The following STARD13 variants were observed in gnomAD, a reference collection of about 807,000 sequenced individuals.
The protein encoded by STARD13 is stAR-related lipid transfer protein 13.
In STARD13, 62 loss-of-function variants were observed where a neutral mutation model predicts 106.4. The ratio of observed to expected loss-of-function variants is 0.58; its 90% CI spans 0.48 to 0.72. STARD13 has a LOEUF of 0.72. Ranked by LOEUF, STARD13 falls within the 30% of genes least tolerant of loss-of-function variation. The probability of loss-of-function intolerance (pLI) is 0.00; values close to 1 mark genes in which losing one functional copy is unlikely to be tolerated. For synonymous variants in STARD13, 565 were observed against 553.0 expected (o/e 1.02, Z -0.31); for missense variants, 1,387 against 1,424.0 (o/e 0.97, Z 0.42).
At chr13:33,653,944 A>G in the STARD13 span, among the ~76,000 whole-genome samples, 118 of 152,316 alleles carry the variant, frequency 7.7e-4, no homozygotes, top group Middle Eastern at 3.4e-3. Flanking sequence ...AACAGCATTA[A>G]TCATTAAGGA....
intron 2 of STARD13, among the ~76,000 whole-genome samples, chr13:33,166,631 A>C (rs1367603022): frequency 1.3e-5 from 2 of 152,200 alleles, no homozygotes; most frequent in Non-Finnish European, 2.9e-5. Flanking sequence ...ACAATCCGAG[A>C]AGAAGTTAAA....
chr13:33,526,222 G>A, the STARD13 span, among the ~76,000 whole-genome samples: 2 of 151,940 alleles, frequency 1.3e-5, no homozygotes, highest in African/African-American at 4.8e-5. Flanking sequence ...GTGCTTGGCT[G>A]TGACATGCAA....
the STARD13 span, among the ~76,000 whole-genome samples, chr13:33,646,028 A>T: frequency 6.6e-6 from 1 of 152,214 alleles, no homozygotes; most frequent in Non-Finnish European, 1.5e-5. Context: ...TCACAGAGAT[A>T]GTAATGTTTT....
At chr13:33,315,396 G>A (rs1262432193) in intron 1 of STARD13, among the ~76,000 whole-genome samples, 2 of 152,104 alleles carry the variant, frequency 1.3e-5, no homozygotes, top group Non-Finnish European at 2.9e-5. Context: ...AAATTAAAGA[G>A]CACAGCTGTG....
chr13:33,510,774 A>G, the STARD13 span, among the ~76,000 whole-genome samples: 1 of 152,196 alleles, frequency 6.6e-6, no homozygotes, highest in Non-Finnish European at 1.5e-5. Flanking sequence ...TTTAGTAAGC[A>G]GAGAAAATTA....
chr13:33,416,055 G>A, the STARD13 span, among the ~76,000 whole-genome samples: 2 of 152,200 alleles, frequency 1.3e-5, no homozygotes, highest in Admixed American at 1.3e-4. Flanking sequence ...TTTATTGAAT[G>A]CTTGATTTCT....
chr13:33,249,027 TA>T (rs1458974343), intron 1 of STARD13, among the ~76,000 whole-genome samples: 2 of 152,230 alleles, frequency 1.3e-5, no homozygotes, highest in Non-Finnish European at 2.9e-5. Flanking sequence ...TAAAGGAAGA[TA>T]AATGAGTACT....
intron 7 of STARD13, among the ~76,000 whole-genome samples, chr13:33,124,186 T>G (rs562020263): frequency 6.6e-6 from 1 of 152,332 alleles, no homozygotes. Context: ...TTTTCCTTCC[T>G]ATTACCACCT....
chr13:33,278,914 A>G (rs1891603053), intron 1 of STARD13, among the ~76,000 whole-genome samples: 1 of 152,160 alleles, frequency 6.6e-6, no homozygotes, highest in Admixed American at 6.6e-5. Context: ...ATGACCTCAA[A>G]TCCTCTAGGT....
intron 1 of STARD13, among the ~76,000 whole-genome samples, chr13:33,170,601 A>G (rs1440203226): frequency 6.6e-6 from 1 of 152,202 alleles, no homozygotes; most frequent in African/African-American, 2.4e-5. Context: ...TCAGGCTTAA[A>G]TGACAACAAA....
the STARD13 span, among the ~76,000 whole-genome samples, chr13:33,379,026 C>G: frequency 6.6e-6 from 1 of 151,996 alleles, no homozygotes; most frequent in Non-Finnish European, 1.5e-5. Flanking sequence ...GAGAGGATCT[C>G]TTGAGCCTGG....
intron 3 of STARD13, among the ~76,000 whole-genome samples, chr13:33,158,234 A>G (rs1593995885): frequency 6.6e-6 from 1 of 152,222 alleles, no homozygotes; most frequent in Non-Finnish European, 1.5e-5. Context: ...ACACATTTAC[A>G]TATTCAGAGC....
chr13:33,181,473 A>C (rs1885230053), intron 1 of STARD13, among the ~76,000 whole-genome samples: 1 of 152,218 alleles, frequency 6.6e-6, no homozygotes, highest in Non-Finnish European at 1.5e-5. Context: ...GTAAATGGCT[A>C]TCATTTAGTA....
chr13:33,640,884 G>A, the STARD13 span, among the ~76,000 whole-genome samples: 2 of 152,224 alleles, frequency 1.3e-5, no homozygotes, highest in Admixed American at 1.3e-4. Flanking sequence ...TGGCCTCCCT[G>A]AAGTTCAAAG....
chr13:33,162,603 C>T (rs142886925), intron 3 of STARD13, among the ~76,000 whole-genome samples: 3,216 of 152,252 alleles, frequency 0.021, 98 homozygotes, highest in African/African-American at 0.074. Context: ...CTGCCAGATA[C>T]CCTAAATCAT....
At chr13:33,166,010 T>C (rs750077123) in intron 2 of STARD13, among the ~76,000 whole-genome samples, 28 of 152,170 alleles carry the variant, frequency 1.8e-4, no homozygotes, top group Non-Finnish European at 3.1e-4. Context: ...TAGAACATGG[T>C]GTGAATTCTG....
chr13:33,160,249 C>T (rs1250406818), intron 3 of STARD13, among the ~76,000 whole-genome samples: 1 of 152,002 alleles, frequency 6.6e-6, no homozygotes, highest in African/African-American at 2.4e-5. Flanking sequence ...CATTGATATA[C>T]AAAAAGTAAA....
At chr13:33,524,226 A>G in the STARD13 span, 1 of 1,275,542 alleles carries the variant, frequency 7.8e-7, no homozygotes, top group South Asian at 1.3e-5. Context: ...ATGTAAGAAA[A>G]CTAAAACTTA....
chr13:33,566,140 C>G, the STARD13 span, among the ~76,000 whole-genome samples: 1 of 148,376 alleles, frequency 6.7e-6, no homozygotes, highest in Non-Finnish European at 1.5e-5. Context: ...CTTCTCCAAT[C>G]ATCACAAGGA....
Sources: gnomAD v4.1 joint callset for allele counts (sites outside exome capture counted in the v4.1 genomes callset) on GRCh38, gnomAD v4.1.1 for gene constraint, MANE v1.5 for transcripts, NCBI Gene and HGNC (gene_info 2026-07-23, HGNC 2026-07-21) for gene names.